Variants in SGCZ observed in about 807,000 individuals in gnomAD.
SGCZ encodes zeta-sarcoglycan.
A neutral mutation model predicts 41.3 loss-of-function variants in SGCZ; 40 were observed. That is an observed-to-expected ratio of 0.97 (90% confidence interval 0.75 to 1.26). The LOEUF (loss-of-function observed/expected upper bound fraction) is 1.26, where lower values mean the gene tolerates loss of function less well. SGCZ is among the 50% of genes most tolerant of loss of function. SGCZ has a pLI of 0.00. For synonymous variants in SGCZ, 206 were observed against 137.5 expected (o/e 1.50, Z -3.49); for missense variants, 552 against 369.8 (o/e 1.49, Z -4.04).
At chr8:15,073,009 T>TAAG (rs1025518778) in intron 1 of SGCZ, among the ~76,000 whole-genome samples, 6 of 152,114 alleles carry the variant, frequency 3.9e-5, no homozygotes, top group Non-Finnish European at 7.4e-5. Flanking sequence ...TGCATTAGGC[T>TAAG]AAGAACTGCT....
At chr8:14,544,745 A>G (rs1000228931) in intron 2 of SGCZ, among the ~76,000 whole-genome samples, 2 of 152,056 alleles carry the variant, frequency 1.3e-5, no homozygotes, top group African/African-American at 4.8e-5. Flanking sequence ...GTTCTTTAAG[A>G]TCTTTATCAA....
At chr8:14,791,090 A>T (rs1443698946) in intron 1 of SGCZ, among the ~76,000 whole-genome samples, 5 of 152,016 alleles carry the variant, frequency 3.3e-5, no homozygotes, top group Non-Finnish European at 5.9e-5. Context: ...TATGATCATT[A>T]TTGCTATTAT....
intron 4 of SGCZ, among the ~76,000 whole-genome samples, chr8:14,187,253 G>C (rs1478697436): frequency 1.3e-5 from 2 of 152,112 alleles, no homozygotes; most frequent in African/African-American, 4.8e-5. Flanking sequence ...GGATTATCCA[G>C]ATTTCTCAAA....
intron 1 of SGCZ, among the ~76,000 whole-genome samples, chr8:15,158,856 A>G (rs1799412061): frequency 6.6e-6 from 1 of 152,334 alleles, no homozygotes; most frequent in East Asian, 1.9e-4. Context: ...TGTGAAGTCT[A>G]AACTCAAGGA....
chr8:15,186,201 G>T (rs1408788478), intron 1 of SGCZ, among the ~76,000 whole-genome samples: 3 of 142,100 alleles, frequency 2.1e-5, no homozygotes, highest in Non-Finnish European at 4.5e-5. Context: ...GGCGGAGCTT[G>T]CAGTGAGCAG....
intron 1 of SGCZ, among the ~76,000 whole-genome samples, chr8:14,854,830 G>T (rs1338741022): frequency 6.6e-6 from 1 of 151,940 alleles, no homozygotes; most frequent in South Asian, 2.1e-4. Context: ...AAACCCGGCA[G>T]AGAGTGGCCC....
chr8:15,128,776 C>G (rs1372631117), intron 1 of SGCZ, among the ~76,000 whole-genome samples: 1 of 152,216 alleles, frequency 6.6e-6, no homozygotes, highest in Non-Finnish European at 1.5e-5. Context: ...AATTTCCATT[C>G]TTGGCCTCAG....
At chr8:15,158,998 A>G (rs555487793) in intron 1 of SGCZ, among the ~76,000 whole-genome samples, 2 of 152,306 alleles carry the variant, frequency 1.3e-5, no homozygotes, top group South Asian at 4.1e-4. Context: ...TTTGTCTGCA[A>G]ATGATCAACA....
intron 2 of SGCZ, among the ~76,000 whole-genome samples, chr8:14,350,351 A>G (rs1585394575): frequency 6.6e-6 from 1 of 151,948 alleles, no homozygotes; most frequent in East Asian, 1.9e-4. Flanking sequence ...AGAAGCAAAT[A>G]TATTTTTTAC....
intron 1 of SGCZ, among the ~76,000 whole-genome samples, chr8:14,976,737 C>T (rs1276531198): frequency 1.3e-5 from 2 of 152,146 alleles, no homozygotes; most frequent in Admixed American, 6.5e-5. Context: ...CACCATCCCA[C>T]ACCGGTGTTA....
intron 1 of SGCZ, among the ~76,000 whole-genome samples, chr8:14,924,812 G>A (rs182393562): frequency 1.1e-4 from 16 of 147,718 alleles, no homozygotes; most frequent in East Asian, 6.0e-4. Context: ...ATTGTTTTAC[G>A]TTTAAGTATG....
chr8:14,551,566 TATAA>T (rs1196663461), intron 2 of SGCZ, among the ~76,000 whole-genome samples: 663 of 28,176 alleles, frequency 0.024, 44 homozygotes, highest in African/African-American at 0.12. Context: ...ATATTATATA[TATAA>T]TATATATATA....
At chr8:14,292,194 A>T (rs1274599002) in intron 3 of SGCZ, among the ~76,000 whole-genome samples, 1 of 152,070 alleles carries the variant, frequency 6.6e-6, no homozygotes, top group Non-Finnish European at 1.5e-5. Context: ...TAAATAACAG[A>T]CTATGGCTTT....
intron 1 of SGCZ, among the ~76,000 whole-genome samples, chr8:14,599,619 C>T (rs1007562701): frequency 2.0e-5 from 3 of 152,124 alleles, no homozygotes; most frequent in African/African-American, 7.2e-5. Flanking sequence ...AAAATGGCTT[C>T]TCATCTTTCC....
At chr8:14,348,664 A>G (rs1452237302) in intron 2 of SGCZ, among the ~76,000 whole-genome samples, 4 of 152,178 alleles carry the variant, frequency 2.6e-5, no homozygotes, top group Admixed American at 2.0e-4. Context: ...CTCCCAAGGA[A>G]CGCACATTAT....
At chr8:14,538,559 C>A (rs541191417) in intron 2 of SGCZ, among the ~76,000 whole-genome samples, 13 of 152,010 alleles carry the variant, frequency 8.6e-5, no homozygotes, top group Admixed American at 2.0e-4. Flanking sequence ...ACCTAAATAG[C>A]TGATATACTT....
chr8:14,435,186 A>G (rs10090509), intron 2 of SGCZ, among the ~76,000 whole-genome samples: 137,028 of 152,110 alleles, frequency 0.9, 62,020 homozygotes, highest in Non-Finnish European at 0.94. Flanking sequence ...ATGGATTCTC[A>G]GGCAAACTGT....
At chr8:14,348,064 G>A (rs1343592964) in intron 2 of SGCZ, among the ~76,000 whole-genome samples, 1 of 151,940 alleles carries the variant, frequency 6.6e-6, no homozygotes, top group Non-Finnish European at 1.5e-5. Context: ...ACCAGGCACG[G>A]AGACCCAGCT....
chr8:14,782,711 C>T lies in SGCZ; in HGVS notation c.40-227785G>A, dbSNP rs116760315. Among the ~76,000 whole-genome samples, 309 of 143,614 alleles carry T rather than the reference C, an allele frequency of 2.2e-3. 2 individuals carry two copies. Among genetic ancestry groups the T allele is most frequent in the African/African-American group, 7.3e-3 (297 of 40,964 alleles). 94.2% of individuals were successfully genotyped at this position (143,614 alleles called of 152,430 possible). ...AAAAAATTATTAGCAGATGCAATAA[C>T]CACAGAAACAAACAAGGAACCTTAT... On this transcript the variant is annotated intron_variant, in intron 1 of 7. Coordinates refer to ENST00000382080, the MANE Select transcript of SGCZ (RefSeq NM_139167.4).
Sources: allele counts gnomAD v4.1 joint callset (sites outside exome capture counted in the v4.1 genomes callset), GRCh38; gene constraint gnomAD v4.1.1; transcripts MANE v1.5; gene names NCBI Gene and HGNC (gene_info 2026-07-23, HGNC 2026-07-21).